Variants in AFG1L observed in about 807,000 individuals in gnomAD.
AFG1L encodes the protein AFG1-like ATPase.
Under a neutral mutation model 62.2 loss-of-function variants are expected in AFG1L, and 53 were observed. That is an observed-to-expected ratio of 0.85 (90% CI 0.68 to 1.07). AFG1L has a LOEUF of 1.07. Ranked by LOEUF, AFG1L falls within the 50% of genes least tolerant of loss-of-function variation. The probability of loss-of-function intolerance (pLI) is 0.00; values close to 1 mark genes in which losing one functional copy is unlikely to be tolerated. For synonymous variants in AFG1L, 228 were observed against 210.3 expected (o/e 1.08, Z -0.73); for missense variants, 555 against 590.5 (o/e 0.94, Z 0.62).
intron 8 of AFG1L, among the ~76,000 whole-genome samples, chr6:108,472,012 TA>T (rs34172553): frequency 1.3e-5 from 2 of 152,100 alleles, no homozygotes; most frequent in Non-Finnish European, 2.9e-5. Flanking sequence ...TATTCAACCT[TA>T]AAAAAGGAGA....
chr6:108,295,329 T>C (rs1348412493), intron 1 of AFG1L, 111 bp downstream of exon 1: 1 of 1,266,878 alleles, frequency 7.9e-7, no homozygotes, highest in African/African-American at 1.5e-5. Context: ...TTCACGAAGC[T>C]GAGGGCTCCT....
chr6:108,408,942 G>A (rs1449337615), intron 7 of AFG1L, among the ~76,000 whole-genome samples: 1 of 151,240 alleles, frequency 6.6e-6, no homozygotes, highest in East Asian at 1.9e-4. Context: ...TTTTGTTTCA[G>A]CTTTCTCTCA....
chr6:108,388,073 A>AT (rs1475546123), intron 6 of AFG1L: 4 of 152,140 alleles, frequency 2.6e-5, no homozygotes, highest in Non-Finnish European at 5.9e-5. Context: ...AGTGGAAGCT[A>AT]TTGTTGGCTG....
chr6:108,476,976 A>G (rs369888975), intron 9 of AFG1L, 41 bp downstream of exon 9: 22 of 1,534,266 alleles, frequency 1.4e-5, no homozygotes, highest in Non-Finnish European at 1.8e-5. Context: ...TACATTTAGA[A>G]CACAATGCCC....
At chr6:108,335,769 G>T (rs1396900331) in intron 2 of AFG1L, among the ~76,000 whole-genome samples, 1 of 152,202 alleles carries the variant, frequency 6.6e-6, no homozygotes, top group African/African-American at 2.4e-5. Flanking sequence ...GGAAGGATTT[G>T]CCAGAAAACT....
intron 6 of AFG1L, among the ~76,000 whole-genome samples, chr6:108,386,018 T>G (rs762429814): frequency 1.3e-5 from 2 of 151,950 alleles, no homozygotes; most frequent in Non-Finnish European, 2.9e-5. Context: ...GAGGCTGAGG[T>G]TGGGGAATCA....
chr6:108,387,948 C>A (rs1780847983), intron 6 of AFG1L: 1 of 151,714 alleles, frequency 6.6e-6, no homozygotes, highest in Non-Finnish European at 1.5e-5. Flanking sequence ...AAGCAAAAGA[C>A]CACAGTGAAC....
intron 10 of AFG1L, among the ~76,000 whole-genome samples, chr6:108,484,106 G>A (rs1019940777): frequency 6.6e-6 from 1 of 152,196 alleles, no homozygotes; most frequent in Non-Finnish European, 1.5e-5. Context: ...CAAGGCTGAT[G>A]GTGTTGGGAT....
chr6:108,514,197 T>G (rs1231392505), intron 11 of AFG1L, among the ~76,000 whole-genome samples: 1 of 152,028 alleles, frequency 6.6e-6, no homozygotes, highest in African/African-American at 2.4e-5. Context: ...ATTCTAAAAA[T>G]CAGAGCGCCT....
chr6:108,384,701 A>G (rs1039869108), intron 6 of AFG1L, among the ~76,000 whole-genome samples: 8 of 152,322 alleles, frequency 5.3e-5, no homozygotes, highest in African/African-American at 1.9e-4. Flanking sequence ...GGTGAGGTAA[A>G]GAAAATATGT....
At chr6:108,413,188 A>G (rs1036046920) in intron 7 of AFG1L, among the ~76,000 whole-genome samples, 1 of 152,236 alleles carries the variant, frequency 6.6e-6, no homozygotes, top group African/African-American at 2.4e-5. Flanking sequence ...ACATAATGGT[A>G]AAGGGATCAA....
At chr6:108,333,171 AGGCC>A (rs1778342595) in intron 2 of AFG1L, among the ~76,000 whole-genome samples, 2 of 152,152 alleles carry the variant, frequency 1.3e-5, no homozygotes, top group Non-Finnish European at 2.9e-5. Flanking sequence ...GCACTTTGGG[AGGCC>A]GAGGCGGGCA....
chr6:108,409,135 A>T (rs138877086), intron 7 of AFG1L, among the ~76,000 whole-genome samples: 1 of 152,246 alleles, frequency 6.6e-6, no homozygotes, highest in Non-Finnish European at 1.5e-5. Context: ...ATACACATGC[A>T]TCAAAAAATA....
intron 6 of AFG1L, among the ~76,000 whole-genome samples, chr6:108,387,172 A>C (rs1020514252): frequency 1.3e-5 from 2 of 152,256 alleles, no homozygotes; most frequent in Non-Finnish European, 2.9e-5. Flanking sequence ...GATGGCTAAC[A>C]TGGATGTATT....
intron 2 of AFG1L, among the ~76,000 whole-genome samples, chr6:108,337,341 G>A (rs1236095533): frequency 6.6e-6 from 1 of 152,164 alleles, no homozygotes; most frequent in Admixed American, 6.6e-5. Context: ...GCAATATGTT[G>A]TATTGACTTT....
At chr6:108,417,469 A>G (rs760129061) in intron 7 of AFG1L, among the ~76,000 whole-genome samples, 2 of 152,174 alleles carry the variant, frequency 1.3e-5, no homozygotes, top group African/African-American at 4.8e-5. Flanking sequence ...ATGCAGGGAA[A>G]AGACATAGAA....
intron 7 of AFG1L, among the ~76,000 whole-genome samples, chr6:108,415,006 G>A (rs577518165): frequency 6.6e-6 from 1 of 152,156 alleles, no homozygotes; most frequent in African/African-American, 2.4e-5. Flanking sequence ...TGACATGATT[G>A]TATATTTAGA....
chr6:108,308,914 C>T (rs57121617), intron 1 of AFG1L, among the ~76,000 whole-genome samples: 3,318 of 152,130 alleles, frequency 0.022, 140 homozygotes, highest in African/African-American at 0.076. Flanking sequence ...ACCATGTTGG[C>T]CCCGCTAGTC....
chr6:108,442,673 C>T (rs1771600920), intron 7 of AFG1L, among the ~76,000 whole-genome samples: 1 of 152,160 alleles, frequency 6.6e-6, no homozygotes, highest in African/African-American at 2.4e-5. Context: ...TTATGCTAAT[C>T]AAATTCAGAA....
Sources: gnomAD v4.1 joint callset for allele counts (sites outside exome capture counted in the v4.1 genomes callset) on GRCh38, gnomAD v4.1.1 for gene constraint, MANE v1.5 for transcripts, NCBI Gene and HGNC (gene_info 2026-07-23, HGNC 2026-07-21) for gene names.